Variants in AP2B1 observed in about 807,000 individuals in gnomAD.
AP2B1 encodes adaptor related protein complex 2 subunit beta 1.
AP2B1 carries 23 observed loss-of-function variants against 102.0 expected under a neutral mutation model. The observed-to-expected ratio is 0.23, with a 90% CI of 0.16 to 0.32. The LOEUF (loss-of-function observed/expected upper bound fraction) is 0.32. Among genes scored for constraint, AP2B1 ranks in the 10% least tolerant of loss-of-function variants. The pLI, the probability that AP2B1 is intolerant of heterozygous loss-of-function variation, is 1.00. For missense variants in AP2B1, 541 were observed against 1,157.4 expected (o/e 0.47, Z 7.73); for synonymous variants, 381 against 421.2 (o/e 0.90, Z 1.17).
At chr17:35,720,582 T>A (rs1450567534) in intron 21 of AP2B1, among the ~76,000 whole-genome samples, 1,017 of 92,260 alleles carry the variant, frequency 0.011, 3 homozygotes, top group Non-Finnish European at 0.014. Context: ...TATTTTTTTT[T>A]TTTTTTTTTT....
chr17:35,718,004 A>G lies in AP2B1; in HGVS notation c.2781+655A>G, dbSNP rs143809273. ...CATTTGTTTGCTGTTGTAAAATGCAATTTCCCAATAGGATGTCATCTGCAT... is the reference window on the plus strand; with the variant it reads ...CATTTGTTTGCTGTTGTAAAATGCAGTTTCCCAATAGGATGTCATCTGCAT... On this transcript the variant is annotated intron_variant, in intron 21 of 21. Transcript: ENST00000610402. 3.1e-3 allele frequency among the ~76,000 whole-genome samples: 465 copies of G among 152,322 alleles called. 11 individuals carry two copies. Among genetic ancestry groups the G allele is most frequent in the Admixed American group, 0.027 (417 of 15,306 alleles).
chr17:35,698,371 G>C (rs867823091), intron 18 of AP2B1, among the ~76,000 whole-genome samples: 1 of 152,124 alleles, frequency 6.6e-6, no homozygotes, highest in African/African-American at 2.4e-5. Flanking sequence ...GTGCAGTGGC[G>C]TGATCACAGC....
chr17:35,594,138 A>G, intron 2 of AP2B1, 71 bp downstream of exon 2: 2 of 1,080,534 alleles, frequency 1.9e-6, no homozygotes, highest in Non-Finnish European at 2.7e-6. Flanking sequence ...CCCAGGCAGA[A>G]TGCTGCTGAC....
At chr17:35,653,001 T>G (rs1220386553) in intron 13 of AP2B1, among the ~76,000 whole-genome samples, 2 of 152,236 alleles carry the variant, frequency 1.3e-5, no homozygotes, top group Non-Finnish European at 2.9e-5. Flanking sequence ...ACACTTTCCT[T>G]GTAAATTAGC....
chr17:35,707,638 A>T (rs1012171688), intron 18 of AP2B1, among the ~76,000 whole-genome samples: 2 of 151,736 alleles, frequency 1.3e-5, no homozygotes, highest in Non-Finnish European at 2.9e-5. Flanking sequence ...TTTTTGGTAG[A>T]GACGGGGTTT....
intron 18 of AP2B1, among the ~76,000 whole-genome samples, chr17:35,696,044 G>A (rs1755970194): frequency 6.6e-6 from 1 of 152,174 alleles, no homozygotes. Context: ...TTTCTAAGCA[G>A]AAAAGGCAAA....
intron 21 of AP2B1, among the ~76,000 whole-genome samples, chr17:35,719,299 T>C (rs913598883): frequency 1.3e-5 from 2 of 152,116 alleles, no homozygotes; most frequent in African/African-American, 4.8e-5. Context: ...TGAACTCTTA[T>C]TACATGTATC....
intron 2 of AP2B1, chr17:35,596,945 TG>T: frequency 1.4e-6 from 1 of 693,850 alleles, no homozygotes. Context: ...GAGGCCATTG[TG>T]GAACCAGGAG....
intron 12 of AP2B1, among the ~76,000 whole-genome samples, chr17:35,643,506 A>G (rs1200058966): frequency 6.6e-6 from 1 of 152,210 alleles, no homozygotes; most frequent in East Asian, 1.9e-4. Context: ...AATTCTGGCC[A>G]GACTTCAAAC....
chr17:35,660,585 C>T lies in AP2B1; in HGVS notation c.1989+2794C>T, dbSNP rs1192694249. Among the ~76,000 whole-genome samples the T allele has an allele frequency of 4.0e-5, 6 of 149,732 alleles. No individual in the cohort carries two copies. In the Admixed American group the frequency reaches 4.0e-4, roughly 10 times the overall value. ...TGCAACCTCACCTCCCAGGTTCAAGCGATTCTCCTGCCTCAGTCTTCCGAG... is the reference window on the plus strand; with the variant it reads ...TGCAACCTCACCTCCCAGGTTCAAGTGATTCTCCTGCCTCAGTCTTCCGAG... On this transcript the variant is annotated intron_variant, in intron 14 of 21. Coordinates refer to ENST00000610402, the MANE Select transcript of AP2B1 (RefSeq NM_001030006.2).
In AP2B1 at chr17:35,639,751, A is replaced by C; in HGVS notation, c.1428A>C (p.Glu476Asp). The change falls in exon 11 of 22, where the codon GAA becomes GAC. Residue 476 changes from glutamate to aspartate, a missense_variant. Coordinates refer to ENST00000610402, the MANE Select transcript of AP2B1 (RefSeq NM_001030006.2). ...GCTTCCTGGAGGGTTTTCACGATGA[A>C]AGCACCCAGGTAAGTTCTTGTCTCT... ...LESFLEGFHD[E>D]STQVQLTLLT... 1 of 1,613,730 alleles carries C rather than the reference A, an allele frequency of 6.2e-7. No homozygotes were observed. The highest frequency in any genetic ancestry group is 8.5e-7 in the Non-Finnish European group (1 of 1,179,814).
intron 13 of AP2B1, among the ~76,000 whole-genome samples, chr17:35,657,048 T>G (rs2142874530): frequency 6.6e-6 from 1 of 152,366 alleles, no homozygotes; most frequent in East Asian, 1.9e-4. Context: ...TGTACAAACC[T>G]TCTCTTCCTC....
intron 14 of AP2B1, among the ~76,000 whole-genome samples, chr17:35,666,343 C>T (rs906158269): frequency 6.6e-5 from 10 of 152,150 alleles, no homozygotes; most frequent in African/African-American, 1.9e-4. Flanking sequence ...GTAAAGTGAC[C>T]ACTCTTTGGC....
At chr17:35,620,886 C>A (rs915894590) in intron 5 of AP2B1, among the ~76,000 whole-genome samples, 9 of 152,318 alleles carry the variant, frequency 5.9e-5, no homozygotes, top group African/African-American at 2.2e-4. Flanking sequence ...GGCCATTGTT[C>A]TCTTTCTGTC....
intron 16 of AP2B1, among the ~76,000 whole-genome samples, chr17:35,673,479 G>A (rs112519034): frequency 6.6e-6 from 1 of 152,142 alleles, no homozygotes; most frequent in African/African-American, 2.4e-5. Context: ...GAGCCACCAC[G>A]CCTGGCCTTA....
chr17:35,615,563 C>A (rs1347766785), intron 5 of AP2B1, among the ~76,000 whole-genome samples: 1 of 152,116 alleles, frequency 6.6e-6, no homozygotes, highest in African/African-American at 2.4e-5. Context: ...TGTTAAACTG[C>A]CTATTAAAGG....
chr17:35,598,116 A>G, intron 2 of AP2B1, 114 bp from the exon 3 acceptor site: 1 of 448,390 alleles, frequency 2.2e-6, no homozygotes, highest in Non-Finnish European at 4.0e-6. Context: ...TATAATTTTA[A>G]AATCTTATTT....
Position 35,587,391 on chromosome 17 carries a change from C to G in AP2B1, c.-61C>G, listed in dbSNP as rs889658155. 1 of 153,536 alleles carries G rather than the reference C, an allele frequency of 6.5e-6. No individual in the cohort carries two copies. The highest frequency in any genetic ancestry group is 1.4e-5 in the Non-Finnish European group (1 of 69,120). 9.5% of individuals were successfully genotyped at this position (153,536 alleles called of 1,614,324 possible). ...CACCTGGGCTGTGCTCTCCGGCTCC[C>G]GCCGCCACCCCCGCCCTCGCCTTCG... On this transcript the variant is annotated 5_prime_UTR_variant, in exon 1 of 22. Coordinates refer to ENST00000610402, the MANE Select transcript of AP2B1 (RefSeq NM_001030006.2).
At chr17:35,700,879 CA>C (rs1250105035) in intron 18 of AP2B1, among the ~76,000 whole-genome samples, 1 of 152,182 alleles carries the variant, frequency 6.6e-6, no homozygotes. Context: ...TTTGTGTTTT[CA>C]AAGTGCCTTA....
Sources: gnomAD v4.1 joint callset for allele counts (sites outside exome capture counted in the v4.1 genomes callset) on GRCh38, gnomAD v4.1.1 for gene constraint, MANE v1.5 for transcripts, NCBI Gene and HGNC (gene_info 2026-07-23, HGNC 2026-07-21) for gene names.